Variants in PTK2B observed in about 807,000 individuals in gnomAD.
The protein encoded by PTK2B is protein-tyrosine kinase 2-beta.
Under a neutral mutation model 142.9 loss-of-function variants are expected in PTK2B, and 71 were observed. The ratio of observed to expected loss-of-function variants is 0.50; its 90% CI spans 0.41 to 0.61. PTK2B has a LOEUF of 0.61. PTK2B is among the 20% of genes least tolerant of loss of function. PTK2B has a pLI of 0.00. For synonymous variants in PTK2B, 519 were observed against 503.4 expected (o/e 1.03, Z -0.42); for missense variants, 1,105 against 1,320.4 (o/e 0.84, Z 2.53).
At position 27,363,790 on chromosome 8, in the gene PTK2B, C is replaced by T. The variant is rs1396493037; in HGVS notation, c.-37-33758C>T. Among the ~76,000 whole-genome samples, 1 of 152,186 alleles carries T rather than the reference C, an allele frequency of 6.6e-6. No individual in the cohort carries two copies. Among genetic ancestry groups the T allele is most frequent in the Middle Eastern group, 3.2e-3 (1 of 316 alleles). ...GTGCTGGGCTGTGACAGTCACTTGG[C>T]GTTCCTGGGACATGTTCATGTGAAT... is the stretch of plus-strand genomic sequence containing the variant. On this transcript the variant is annotated intron_variant, in intron 1 of 30. Coordinates refer to ENST00000346049, the MANE Select transcript of PTK2B (RefSeq NM_173176.3). This position sits in a 1 kb window ranked among gnomAD's most constrained non-coding sequence, Gnocchi z 4.3.
intron 2 of PTK2B, among the ~76,000 whole-genome samples, 156 bp downstream of exon 2, chr8:27,397,944 CA>C (rs1808166398): frequency 6.6e-6 from 1 of 152,214 alleles, no homozygotes; most frequent in South Asian, 2.1e-4. Flanking sequence ...CCTGCATCAC[CA>C]GGCCTGCTCT....
At chr8:27,344,179 C>A (rs1015157300) in intron 1 of PTK2B, among the ~76,000 whole-genome samples, 16 of 152,110 alleles carry the variant, frequency 1.1e-4, no homozygotes, top group Admixed American at 9.8e-4. Flanking sequence ...TCTCCCACTT[C>A]TCTCTCCCCA....
intron 1 of PTK2B, among the ~76,000 whole-genome samples, chr8:27,344,641 G>A (rs950932898): frequency 1.6e-4 from 25 of 152,128 alleles, no homozygotes; most frequent in Non-Finnish European, 2.4e-4. Flanking sequence ...CCCCTCGTCC[G>A]CTTGATGGCA....
intron 21 of PTK2B, among the ~76,000 whole-genome samples, chr8:27,441,086 T>C (rs970735982): frequency 2.6e-5 from 4 of 152,100 alleles, no homozygotes; most frequent in Non-Finnish European, 5.9e-5. Flanking sequence ...AGTAAGCATT[T>C]TCTATAAAGG....
chr8:27,445,757 G>A (rs1214911230), intron 23 of PTK2B, 37 bp from the exon 24 acceptor site: 2 of 1,611,022 alleles, frequency 1.2e-6, no homozygotes. Flanking sequence ...TTCTCGCTTT[G>A]TCCCGTGCCT....
intron 10 of PTK2B, among the ~76,000 whole-genome samples, chr8:27,432,730 G>GT (rs1400568931): frequency 2.7e-5 from 4 of 150,662 alleles, no homozygotes; most frequent in African/African-American, 9.8e-5. Flanking sequence ...TTGTTTGTTT[G>GT]TTTTTTACAG....
intron 1 of PTK2B, among the ~76,000 whole-genome samples, chr8:27,356,129 G>C (rs1221899413): frequency 6.6e-6 from 1 of 152,120 alleles, no homozygotes; most frequent in African/African-American, 2.4e-5. Flanking sequence ...TTACAACACT[G>C]TTCAAGTAAG....
rs975685439 is a variant in PTK2B at position 27,397,496 on chromosome 8, A to G, written c.-37-52A>G. 3.7e-6 allele frequency: 5 copies of G among 1,362,534 alleles called. No individual in the cohort carries two copies. In the East Asian group the frequency reaches 6.9e-5, roughly 19 times the overall value. 84.4% of individuals were successfully genotyped at this position (1,362,534 alleles called of 1,614,324 possible). A position where few individuals can be genotyped will look rare whatever the true frequency, so the allele number is the denominator to read the frequency against. On this transcript the variant is annotated intron_variant, in intron 1 of 30. Transcript: ENST00000346049. Reference sequence around the variant, plus strand: ...GGTGCTGTCCCTGGGGCCATGAGGTATGTGGGCCTGTGTGGGGCTCTTTCA... The same window carrying G: ...GGTGCTGTCCCTGGGGCCATGAGGTGTGTGGGCCTGTGTGGGGCTCTTTCA...
intron 1 of PTK2B, among the ~76,000 whole-genome samples, chr8:27,338,986 C>T (rs950858077): frequency 1.2e-4 from 19 of 152,288 alleles, no homozygotes; most frequent in African/African-American, 4.1e-4. Flanking sequence ...AGTAAATCAG[C>T]CTTGGTCTTT....
intron 2 of PTK2B, among the ~76,000 whole-genome samples, chr8:27,418,704 A>G (rs892249986): frequency 2.6e-5 from 4 of 152,206 alleles, no homozygotes; most frequent in Non-Finnish European, 5.9e-5. Context: ...CACCAACAAT[A>G]TGTGGAACTA....
At chr8:27,438,000 G>A (rs1810900043) in intron 18 of PTK2B, 120 bp downstream of exon 18, 4 of 884,684 alleles carry the variant, frequency 4.5e-6, no homozygotes, top group African/African-American at 1.7e-5. Flanking sequence ...CCAGCAATTG[G>A]CCCAGCAGCT....
Position 27,421,546 on chromosome 8 carries a change from A to C in PTK2B, c.472-758A>C, listed in dbSNP as rs79429404. On this transcript the variant is annotated intron_variant, in intron 4 of 30. Coordinates refer to ENST00000346049, the MANE Select transcript of PTK2B (RefSeq NM_173176.3). ...TTAGCTCCCCCTTATGAGTGAGAAC[A>C]TACAATGTTGGTTTTCCATTCTGGA... is the stretch of plus-strand genomic sequence containing the variant. Among the ~76,000 whole-genome samples, 112 of 152,326 alleles carry C rather than the reference A, an allele frequency of 7.4e-4. 1 individual carries two copies. In the East Asian group the frequency reaches 0.018, roughly 25 times the overall value.
chr8:27,319,996 C>T (rs995034357), intron 3 of PTK2B, among the ~76,000 whole-genome samples: 4 of 152,120 alleles, frequency 2.6e-5, no homozygotes, highest in Admixed American at 6.5e-5. Context: ...GTGAGACAGC[C>T]GGGTGGGAAG....
intron 1 of PTK2B, among the ~76,000 whole-genome samples, chr8:27,347,718 G>A (rs77178719): frequency 0.031 from 4,784 of 152,252 alleles, 124 homozygotes; most frequent in African/African-American, 0.07. Flanking sequence ...GTCCCATTGT[G>A]AAGTACTGGG....
chr8:27,408,609 T>C (rs1191801564), intron 2 of PTK2B, among the ~76,000 whole-genome samples: 1 of 152,256 alleles, frequency 6.6e-6, no homozygotes, highest in East Asian at 1.9e-4. Flanking sequence ...TTTCAGTGAT[T>C]TTTTTCAGTG....
upstream of PTK2B, chr8:27,325,389 C>G (rs111414125): frequency 6.6e-6 from 1 of 152,198 alleles, no homozygotes; most frequent in African/African-American, 2.4e-5. Context: ...CAGGTCTGCC[C>G]GGCGCTCAGG....
At chr8:27,425,783 C>G (rs1810048775) in intron 5 of PTK2B, among the ~76,000 whole-genome samples, 1 of 152,196 alleles carries the variant, frequency 6.6e-6, no homozygotes, top group Non-Finnish European at 1.5e-5. Context: ...CTATCCATCC[C>G]TCCTTCCCTC....
intron 22 of PTK2B, among the ~76,000 whole-genome samples, chr8:27,443,596 GTCTT>G (rs1811290927): frequency 6.6e-6 from 1 of 152,150 alleles, no homozygotes; most frequent in Non-Finnish European, 1.5e-5. Context: ...ACACAGAGTG[GTCTT>G]TCTTTCTCTT....
intron 1 of PTK2B, among the ~76,000 whole-genome samples, chr8:27,388,671 G>T (rs1807522114): frequency 6.6e-6 from 1 of 152,178 alleles, no homozygotes; most frequent in Non-Finnish European, 1.5e-5. Context: ...TCCCCTTTCA[G>T]TGCCATCATG....
Sources: allele counts gnomAD v4.1 joint callset (sites outside exome capture counted in the v4.1 genomes callset), GRCh38; gene constraint gnomAD v4.1.1; non-coding constraint Gnocchi (gnomAD v3.1); transcripts MANE v1.5; gene names NCBI Gene and HGNC (gene_info 2026-07-23, HGNC 2026-07-21).